Variants in SV2C observed in about 807,000 individuals in gnomAD.
SV2C encodes the protein solute carrier family 22 member B3.
A neutral mutation model predicts 79.7 loss-of-function variants in SV2C; 49 were observed. That is an observed-to-expected ratio of 0.61 (90% CI 0.49 to 0.78). SV2C has a LOEUF of 0.78. Among genes scored for constraint, SV2C ranks in the 30% least tolerant of loss-of-function variants. The pLI is 0.00. For missense variants in SV2C, 833 were observed against 912.9 expected, an observed-to-expected ratio of 0.91 and a Z score of 1.13; for synonymous variants, 334 against 333.2, an observed-to-expected ratio of 1.00 and a Z score of -0.03.
At position 76,325,694 on chromosome 5, in the gene SV2C, A is replaced by C; in HGVS notation, c.*147A>C. On this transcript the variant is annotated 3_prime_UTR_variant, in exon 13 of 13. Coordinates refer to ENST00000502798, the MANE Select transcript of SV2C (RefSeq NM_014979.4). ...GTGCTGTGACTTAAAATTTAGAAGC[A>C]TATCATCTTGCCCCTTTGTGATTTT... 6 of 1,136,418 alleles carry C rather than the reference A, an allele frequency of 5.3e-6. No individual in the cohort carries two copies. The highest frequency in any genetic ancestry group is 3.5e-5 in the South Asian group (2 of 57,416). The allele number at this position is 1,136,418 out of a possible 1,614,324, so 70.4% of individuals were successfully genotyped here. A position where few individuals can be genotyped will look rare whatever the true frequency, so the allele number is the denominator to read the frequency against.
chr5:76,123,035 G>T (rs191718300), intron 1 of SV2C, among the ~76,000 whole-genome samples: 436 of 152,042 alleles, frequency 2.9e-3, no homozygotes, highest in East Asian at 8.5e-3. Context: ...TGATAAAGGG[G>T]ATATGGGATA....
chr5:76,249,975 AT>A (rs1409390063), intron 4 of SV2C, among the ~76,000 whole-genome samples: 1 of 152,170 alleles, frequency 6.6e-6, no homozygotes, highest in Non-Finnish European at 1.5e-5. Context: ...GGAACGTTTT[AT>A]TCTGAACGTT....
At chr5:75,944,904 A>G in the SV2C span, among the ~76,000 whole-genome samples, 1 of 152,154 alleles carries the variant, frequency 6.6e-6, no homozygotes, top group Non-Finnish European at 1.5e-5. Context: ...AAAAAGATGG[A>G]CTGTCTTGGC....
chr5:76,071,323 A>G, the SV2C span, among the ~76,000 whole-genome samples: 2 of 152,200 alleles, frequency 1.3e-5, no homozygotes, highest in Non-Finnish European at 2.9e-5. Context: ...CAGGAGTTAT[A>G]AAAGAACCTG....
the SV2C span, among the ~76,000 whole-genome samples, chr5:75,919,448 T>C: frequency 2.0e-5 from 3 of 152,242 alleles, no homozygotes; most frequent in Admixed American, 6.5e-5. Flanking sequence ...TACTATTAAA[T>C]GCAATTCTTT....
the SV2C span, among the ~76,000 whole-genome samples, chr5:75,989,295 G>C: frequency 6.6e-6 from 1 of 150,934 alleles, no homozygotes; most frequent in Non-Finnish European, 1.5e-5. Flanking sequence ...TCTTGATGCT[G>C]TCCCTCCTCC....
intron 12 of SV2C, among the ~76,000 whole-genome samples, chr5:76,317,384 T>C (rs1298851176): frequency 6.6e-6 from 1 of 152,128 alleles, no homozygotes; most frequent in Non-Finnish European, 1.5e-5. Flanking sequence ...TTAACTGAGT[T>C]GTCCAGAAAA....
intron 4 of SV2C, among the ~76,000 whole-genome samples, chr5:76,224,634 A>G (rs1745186521): frequency 6.6e-6 from 1 of 152,210 alleles, no homozygotes; most frequent in African/African-American, 2.4e-5. Flanking sequence ...AGAGATACTT[A>G]CAATTTTGTG....
At chr5:75,854,167 A>G in the SV2C span, among the ~76,000 whole-genome samples, 1 of 152,130 alleles carries the variant, frequency 6.6e-6, no homozygotes, top group African/African-American at 2.4e-5. Context: ...ATTCAGCACA[A>G]TGTTTTGAGA....
the SV2C span, among the ~76,000 whole-genome samples, chr5:76,062,467 G>C: frequency 6.6e-6 from 1 of 151,988 alleles, no homozygotes; most frequent in Non-Finnish European, 1.5e-5. Context: ...GAACCTGCTG[G>C]CACCTTGATG....
the SV2C span, among the ~76,000 whole-genome samples, chr5:75,881,153 C>G: frequency 6.6e-6 from 1 of 152,126 alleles, no homozygotes; most frequent in East Asian, 1.9e-4. Flanking sequence ...CAATCACCAC[C>G]CACCAGGCCC....
the SV2C span, among the ~76,000 whole-genome samples, chr5:76,010,327 A>C: frequency 6.6e-6 from 1 of 152,064 alleles, no homozygotes; most frequent in Non-Finnish European, 1.5e-5. Flanking sequence ...ACTCACCGCT[A>C]ATTATCCAGG....
At chr5:76,324,160 A>C (rs1328535130) in intron 12 of SV2C, among the ~76,000 whole-genome samples, 1 of 152,112 alleles carries the variant, frequency 6.6e-6, no homozygotes, top group African/African-American at 2.4e-5. Flanking sequence ...GGGTCTTGCT[A>C]TGTTGCCCAG....
At chr5:76,205,845 A>G (rs1744592123) in intron 3 of SV2C, among the ~76,000 whole-genome samples, 1 of 152,138 alleles carries the variant, frequency 6.6e-6, no homozygotes, top group South Asian at 2.1e-4. Flanking sequence ...TGTGAGTTGT[A>G]GGGTGTTTAG....
In SV2C at chr5:76,132,240, G is replaced by T; in HGVS notation, c.490G>T (p.Ala164Ser). 1 of 1,614,122 alleles carries T rather than the reference G, an allele frequency of 6.2e-7. No homozygotes were observed. Among genetic ancestry groups the T allele is most frequent in the African/African-American group, 1.3e-5 (1 of 75,030 alleles). ...LFFVLGMALMADGVEVFVVGF... is the reference protein window; with the variant it reads ...LFFVLGMALMSDGVEVFVVGF... ...CTTCGTCCTGGGCATGGCTCTTATG[G>T]CAGACGGTGTAGAGGTGTTTGTCGT... The change falls in exon 2 of 13, where the codon GCA (alanine) becomes TCA (serine). Residue 164 changes from alanine to serine, a missense_variant. By Grantham distance (99) the Ala-to-Ser change is moderately conservative. Coordinates refer to ENST00000502798, the MANE Select transcript of SV2C (RefSeq NM_014979.4).
At chr5:76,043,522 G>A in the SV2C span, among the ~76,000 whole-genome samples, 1 of 151,984 alleles carries the variant, frequency 6.6e-6, no homozygotes, top group South Asian at 2.1e-4. Context: ...TACCTCTTTT[G>A]GTAAAATTTA....
At chr5:76,334,587 C>A (rs1352606469), downstream of SV2C, among the ~76,000 whole-genome samples, 1 of 152,128 alleles carries the variant, frequency 6.6e-6, no homozygotes, top group East Asian at 1.9e-4. Flanking sequence ...GGCTTTTGTC[C>A]CCCTATGGGC....
At chr5:76,051,265 T>C in the SV2C span, among the ~76,000 whole-genome samples, 2 of 152,180 alleles carry the variant, frequency 1.3e-5, no homozygotes, top group East Asian at 3.8e-4. Context: ...TGAAGATTCT[T>C]GGATTAATGT....
chr5:76,048,784 T>G, the SV2C span, among the ~76,000 whole-genome samples: 1 of 141,534 alleles, frequency 7.1e-6, no homozygotes, highest in Non-Finnish European at 1.5e-5. Flanking sequence ...GAAATCAACC[T>G]GATGAACCTT....
Sources: allele counts gnomAD v4.1 joint callset (sites outside exome capture counted in the v4.1 genomes callset), GRCh38; gene constraint gnomAD v4.1.1; transcripts MANE v1.5; gene names NCBI Gene and HGNC (gene_info 2026-07-23, HGNC 2026-07-21).